Variants in CRIM1 observed in about 807,000 individuals in gnomAD.
CRIM1 encodes the protein cysteine-rich motor neuron 1 protein.
CRIM1 carries 32 observed loss-of-function variants against 116.4 expected under a neutral mutation model. That is an observed-to-expected ratio of 0.27 (90% CI 0.21 to 0.37). The LOEUF is 0.37. Among genes scored for constraint, CRIM1 ranks in the 10% least tolerant of loss-of-function variants. The probability of loss-of-function intolerance (pLI) is 1.00; values close to 1 mark genes in which losing one functional copy is unlikely to be tolerated. For synonymous variants in CRIM1, 590 were observed against 509.2 expected, an observed-to-expected ratio of 1.16 and a Z score of -2.13; for missense variants, 1,331 against 1,354.8, an observed-to-expected ratio of 0.98 and a Z score of 0.28.
At chr2:36,492,445 C>G (rs1443743891) in intron 7 of CRIM1, among the ~76,000 whole-genome samples, 2 of 152,074 alleles carry the variant, frequency 1.3e-5, no homozygotes, top group African/African-American at 4.8e-5. Context: ...ATTCCCACTT[C>G]CAGATTAGGG....
intron 7 of CRIM1, among the ~76,000 whole-genome samples, chr2:36,488,332 G>A (rs1679983767): frequency 6.6e-6 from 1 of 152,170 alleles, no homozygotes; most frequent in Admixed American, 6.5e-5. Context: ...CCCCATCACA[G>A]GTGGCTGATG....
chr2:36,395,142 G>A (rs1316886854), intron 1 of CRIM1, among the ~76,000 whole-genome samples: 2 of 151,414 alleles, frequency 1.3e-5, no homozygotes, highest in African/African-American at 4.9e-5. Context: ...AGCCTCCTGA[G>A]TAACTGGGAC....
At chr2:36,480,474 A>C (rs1320422427) in intron 7 of CRIM1, among the ~76,000 whole-genome samples, 1 of 152,228 alleles carries the variant, frequency 6.6e-6, no homozygotes, top group East Asian at 1.9e-4. Flanking sequence ...AAATGAACTA[A>C]TGTGGATCAA....
At chr2:36,453,566 C>G (rs1375349107) in intron 4 of CRIM1, among the ~76,000 whole-genome samples, 2 of 152,192 alleles carry the variant, frequency 1.3e-5, no homozygotes, top group African/African-American at 4.8e-5. Context: ...AAAGTCCTAG[C>G]ATCAAAACCC....
chr2:36,514,558 G>C (rs760065193), intron 11 of CRIM1, among the ~76,000 whole-genome samples: 1 of 152,178 alleles, frequency 6.6e-6, no homozygotes, highest in Non-Finnish European at 1.5e-5. Context: ...GAGTAAAATA[G>C]TATGTCCACC....
At chr2:36,440,668 A>G (rs1054222682) in intron 2 of CRIM1, among the ~76,000 whole-genome samples, 1 of 152,258 alleles carries the variant, frequency 6.6e-6, no homozygotes, top group Non-Finnish European at 1.5e-5. Context: ...GAAGCACATC[A>G]GGTGCCATTT....
intron 15 of CRIM1, 148 bp downstream of exon 15, chr2:36,544,646 G>A: frequency 1.2e-6 from 1 of 819,956 alleles, no homozygotes; most frequent in Non-Finnish European, 1.6e-6. Context: ...CTGCTTGGCT[G>A]AAACATATTT....
At chr2:36,462,888 G>A (rs928294936) in intron 4 of CRIM1, among the ~76,000 whole-genome samples, 4 of 152,100 alleles carry the variant, frequency 2.6e-5, no homozygotes, top group African/African-American at 9.7e-5. Flanking sequence ...ACAAAGTATG[G>A]GATGACCTTA....
intron 1 of CRIM1, among the ~76,000 whole-genome samples, chr2:36,391,380 G>A (rs772599604): frequency 3.4e-5 from 5 of 148,880 alleles, no homozygotes; most frequent in East Asian, 4.1e-4. Flanking sequence ...CGCCCATCTC[G>A]GCTTCCCAAA....
At chr2:36,365,160 A>G (rs1669506330) in intron 1 of CRIM1, among the ~76,000 whole-genome samples, 1 of 152,184 alleles carries the variant, frequency 6.6e-6, no homozygotes, top group Non-Finnish European at 1.5e-5. Context: ...GGTTTGATCC[A>G]GTGCAACTAC....
intron 11 of CRIM1, among the ~76,000 whole-genome samples, chr2:36,516,227 TAAG>T (rs1397480624): frequency 1.3e-5 from 2 of 152,302 alleles, no homozygotes; most frequent in Non-Finnish European, 2.9e-5. Flanking sequence ...AATTCACTCC[TAAG>T]AAGATTTCAG....
chr2:36,466,730 TATC>T (rs1678066995), intron 5 of CRIM1, among the ~76,000 whole-genome samples: 1 of 152,220 alleles, frequency 6.6e-6, no homozygotes, highest in African/African-American at 2.4e-5. Context: ...ATCTAATTCG[TATC>T]ATCTTAGTTC....
intron 2 of CRIM1, among the ~76,000 whole-genome samples, chr2:36,427,739 C>T (rs941895616): frequency 6.6e-6 from 1 of 152,228 alleles, no homozygotes; most frequent in African/African-American, 2.4e-5. Context: ...CTAGGTTGTT[C>T]CTCATGGGCG....
intron 13 of CRIM1, among the ~76,000 whole-genome samples, chr2:36,536,038 A>C (rs1185437871): frequency 6.6e-6 from 1 of 152,214 alleles, no homozygotes; most frequent in Non-Finnish European, 1.5e-5. Flanking sequence ...AATTGGTAAG[A>C]AGAAAATGTA....
chr2:36,501,212 G>T (rs1680958886), intron 8 of CRIM1, among the ~76,000 whole-genome samples: 1 of 152,158 alleles, frequency 6.6e-6, no homozygotes, highest in South Asian at 2.1e-4. Context: ...AATTACCATG[G>T]CTCAGAGACT....
intron 1 of CRIM1, among the ~76,000 whole-genome samples, chr2:36,368,753 G>A (rs1263630312): frequency 2.0e-5 from 3 of 152,098 alleles, no homozygotes; most frequent in South Asian, 2.1e-4. Context: ...CACTTTCAGC[G>A]CAGTTACCTA....
intron 13 of CRIM1, 86 bp from the exon 14 acceptor site, chr2:36,537,266 A>C: frequency 4.0e-6 from 5 of 1,262,410 alleles, no homozygotes; most frequent in Non-Finnish European, 5.7e-6. Context: ...GTGATTATAC[A>C]AAGCTATCCC....
In CRIM1 at chr2:36,546,471, G is replaced by T. The variant is rs561181900; in HGVS notation, c.2747-513G>T. On this transcript the variant is annotated intron_variant, in intron 15 of 16. Coordinates refer to ENST00000280527, the MANE Select transcript of CRIM1 (RefSeq NM_016441.3). ...ATATTGCTTAGAGTTCAGTGAACCAGAGTATCAACCAAAAGACCAACTTCC... is the reference window on the plus strand; with the variant it reads ...ATATTGCTTAGAGTTCAGTGAACCATAGTATCAACCAAAAGACCAACTTCC... Among the ~76,000 whole-genome samples the T allele has an allele frequency of 5.6e-4, 86 of 152,250 alleles. 1 individual carries two copies. The highest frequency in any genetic ancestry group is 1.3e-3 in the Non-Finnish European group (85 of 67,992).
At chr2:36,486,364 G>A (rs947508132) in intron 7 of CRIM1, among the ~76,000 whole-genome samples, 1 of 152,160 alleles carries the variant, frequency 6.6e-6, no homozygotes, top group Admixed American at 6.6e-5. Context: ...TCCAAGTCCA[G>A]CATGTCTTTG....
Sources: gnomAD v4.1 joint callset for allele counts (sites outside exome capture counted in the v4.1 genomes callset) on GRCh38, gnomAD v4.1.1 for gene constraint, MANE v1.5 for transcripts, NCBI Gene and HGNC (gene_info 2026-07-23, HGNC 2026-07-21) for gene names.